Variants in PAMR1 observed in about 807,000 individuals in gnomAD.
PAMR1 encodes inactive serine protease PAMR1.
In PAMR1, 88 loss-of-function variants were observed where a neutral mutation model predicts 81.8. The ratio of observed to expected loss-of-function variants is 1.08; its 90% confidence interval spans 0.91 to 1.28. The LOEUF is 1.28. Ranked by LOEUF, PAMR1 falls within the 50% of genes most tolerant of loss-of-function variation. The pLI is 0.00. For synonymous variants in PAMR1, 336 were observed against 345.3 expected (o/e 0.97, Z 0.30); for missense variants, 935 against 919.7 (o/e 1.02, Z -0.21).
rs1433957199 is a variant in PAMR1 at position 35,507,039 on chromosome 11, C to CCTTTTT, written c.74-12768_74-12767insAAAAAG. Among the ~76,000 whole-genome samples, 3 of 86,862 alleles carry CCTTTTT rather than the reference C, an allele frequency of 3.5e-5. 1 individual carries two copies. Among genetic ancestry groups the CCTTTTT allele is most frequent in the Non-Finnish European group, 2.3e-5 (1 of 43,550 alleles). The allele number at this position is 86,862 out of a possible 152,430, so 57.0% of individuals were successfully genotyped here. A position where few individuals can be genotyped will look rare whatever the true frequency, so the allele number is the denominator to read the frequency against. On this transcript the variant is annotated intron_variant, in intron 1 of 10. Coordinates refer to ENST00000619888, the MANE Select transcript of PAMR1 (RefSeq NM_001001991.3). The stretch of plus-strand genomic sequence containing the variant: ...TCTCCTCTATTTTCAAATAGCCTGA[C>CCTTTTT]TTTTTTTTTTTTTTTTTTTTTTTTT...
At position 35,432,617 on chromosome 11, in the gene PAMR1, A is replaced by G. The variant is rs138681708; in HGVS notation, c.1902T>C (p.His634=). 10,462 of 1,614,086 alleles carry G rather than the reference A, an allele frequency of 6.5e-3. 35 individuals are homozygous for G. The highest frequency in any genetic ancestry group is 7.8e-3 in the Non-Finnish European group (9,145 of 1,179,946). Residue 634 remains histidine, a synonymous_variant, in exon 11 of 11, where the codon CAT becomes CAC. Transcript: ENST00000619888. ...CACTCACTGGGATGCCATGGTCCTC[A>G]TGCTGCTCCTCACACAGCAGCGAGT... is the stretch of plus-strand genomic sequence containing the variant. The part of the protein sequence containing the change: ...VVDSLLCEEQ[H]EDHGIPVSVT...
chr11:35,511,315 A>G (rs1028135868), intron 1 of PAMR1, among the ~76,000 whole-genome samples: 1 of 152,260 alleles, frequency 6.6e-6, no homozygotes, highest in African/African-American at 2.4e-5. Context: ...CCCCTCAGGC[A>G]TCGTCTGCAA....
At chr11:35,449,897 C>G (rs958863561) in intron 6 of PAMR1, among the ~76,000 whole-genome samples, 3 of 152,096 alleles carry the variant, frequency 2.0e-5, no homozygotes, top group Admixed American at 2.0e-4. Flanking sequence ...CTCTGCTTTT[C>G]CTTGCTTTCC....
intron 6 of PAMR1, among the ~76,000 whole-genome samples, chr11:35,449,098 G>C (rs1250979995): frequency 6.6e-6 from 1 of 152,210 alleles, no homozygotes; most frequent in Non-Finnish European, 1.5e-5. Context: ...TTGTTGGGAG[G>C]TTCCACCCAG....
intron 1 of PAMR1, among the ~76,000 whole-genome samples, chr11:35,494,810 A>G (rs1850695723): frequency 6.6e-6 from 1 of 152,230 alleles, no homozygotes; most frequent in African/African-American, 2.4e-5. Flanking sequence ...GCATAGATGA[A>G]GTTTGTTATA....
chr11:35,518,827 C>G (rs1851218090), intron 1 of PAMR1, among the ~76,000 whole-genome samples: 1 of 152,060 alleles, frequency 6.6e-6, no homozygotes, highest in East Asian at 1.9e-4. Context: ...TTTAACCCAC[C>G]ATCAATTCAG....
In PAMR1 at chr11:35,432,639, G is replaced by A. The variant is rs776078670; in HGVS notation, c.1880C>T (p.Ser627Leu). The change falls in exon 11 of 11, where the codon TCG (serine) becomes TTG (leucine). Residue 627 changes from serine to leucine, a missense_variant. Transcript: ENST00000619888. ...LRSGVVSVVD[S>L]LLCEEQHEDH... ...CTCATGCTGCTCCTCACACAGCAGCGAGTCCACCACACTGACCACCCCAGA... is the reference window on the plus strand; with the variant it reads ...CTCATGCTGCTCCTCACACAGCAGCAAGTCCACCACACTGACCACCCCAGA... 12 of 1,613,918 alleles carry A rather than the reference G, an allele frequency of 7.4e-6. No homozygotes were observed. Among genetic ancestry groups the A allele is most frequent in the African/African-American group, 1.3e-5 (1 of 74,922 alleles).
In PAMR1 at chr11:35,432,171, G is replaced by A. The variant is rs1398517690; in HGVS notation, c.*185C>T. On this transcript the variant is annotated 3_prime_UTR_variant, in exon 11 of 11. Coordinates refer to ENST00000619888, the MANE Select transcript of PAMR1 (RefSeq NM_001001991.3). ...CCAATTGGCTGTCCTAGTAGTGGAC[G>A]CGGCATCAGCCTACCAGCAATGGAG... 3.6e-5 allele frequency: 22 copies of A among 604,400 alleles called. 1 individual carries two copies. The highest frequency in any genetic ancestry group is 4.4e-5 in the Non-Finnish European group (15 of 341,612). The allele number at this position is 604,400 out of a possible 1,614,324, so 37.4% of individuals were successfully genotyped here. A position where few individuals can be genotyped will look rare whatever the true frequency, so the allele number is the denominator to read the frequency against.
chr11:35,482,786 T>C (rs1241293373), intron 3 of PAMR1, among the ~76,000 whole-genome samples: 1 of 152,230 alleles, frequency 6.6e-6, no homozygotes, highest in Admixed American at 6.5e-5. Flanking sequence ...TGTTTTGTTC[T>C]CTTTGTAGCA....
chr11:35,455,585 T>C (rs922223330), intron 6 of PAMR1, among the ~76,000 whole-genome samples: 4 of 152,192 alleles, frequency 2.6e-5, no homozygotes, highest in African/African-American at 9.6e-5. Flanking sequence ...AGTTCAAAGT[T>C]GGAGATGAGA....
chr11:35,454,902 A>G (rs1331989131), intron 6 of PAMR1, among the ~76,000 whole-genome samples: 7 of 152,230 alleles, frequency 4.6e-5, no homozygotes, highest in Non-Finnish European at 1.5e-5. Context: ...AGTCTAAGAC[A>G]TTGGGCTTCC....
Position 35,442,738 on chromosome 11 carries a change from A to C in PAMR1, c.821-1045T>G, listed in dbSNP as rs1488256430. Among the ~76,000 whole-genome samples, 3 of 152,000 alleles carry C rather than the reference A, an allele frequency of 2.0e-5. No individual in the cohort carries two copies. In the East Asian group the frequency reaches 5.8e-4, roughly 29 times the overall value. On this transcript the variant is annotated intron_variant, in intron 6 of 10. Transcript: ENST00000619888. ...GTGATCCTCCCACCTTAGGCTACTG[A>C]GTAGCTGGGACCACAGGCACACACC...
At chr11:35,525,112 T>TCTTG (rs989868746) in intron 1 of PAMR1, among the ~76,000 whole-genome samples, 1 of 152,234 alleles carries the variant, frequency 6.6e-6, no homozygotes, top group Non-Finnish European at 1.5e-5. Context: ...CTTCTTTCTT[T>TCTTG]CTTGCTCACC....
chr11:35,509,143 G>C (rs7106280), intron 1 of PAMR1, among the ~76,000 whole-genome samples: 27,678 of 152,160 alleles, frequency 0.18, 3,068 homozygotes, highest in African/African-American at 0.3. Flanking sequence ...TTGTAACTTT[G>C]TTCCTTCCCC....
intron 1 of PAMR1, among the ~76,000 whole-genome samples, chr11:35,505,956 G>A (rs1215303820): frequency 1.3e-5 from 2 of 151,106 alleles, no homozygotes; most frequent in African/African-American, 4.9e-5. Context: ...CTTCCTTTGT[G>A]GTTAAGGGTT....
Position 35,435,923 on chromosome 11 carries a change from C to T in PAMR1, c.1313G>A (p.Arg438Gln), listed in dbSNP as rs138210503. The change falls in exon 9 of 11, where the codon CGG becomes CAG. Residue 438 changes from arginine (R) to glutamine (Q), a missense_variant. Transcript: ENST00000619888. Reference protein sequence around the residue: ...TCLRTGKWSGRAPSCIPICGK... With the variant: ...TCLRTGKWSGQAPSCIPICGK... ...CTCACTAGGGATGCAGGATGGTGCC[C>T]GCCCACTCCACTTCCCAGTCCTCAG... is the stretch of plus-strand genomic sequence containing the variant. The T allele has an allele frequency of 3.7e-4, 599 of 1,613,746 alleles. No individual in the cohort carries two copies. Among genetic ancestry groups the T allele is most frequent in the African/African-American group, 6.3e-4 (47 of 74,900 alleles).
intron 1 of PAMR1, among the ~76,000 whole-genome samples, chr11:35,524,596 C>T (rs146580809): frequency 6.6e-4 from 100 of 152,274 alleles, no homozygotes; most frequent in Middle Eastern, 3.4e-3. Context: ...ACATAACCTG[C>T]CCCTATTCAG....
At position 35,474,762 on chromosome 11, in the gene PAMR1, G is replaced by C; in HGVS notation, c.380-18C>G. 2 of 1,558,116 alleles carry C rather than the reference G, an allele frequency of 1.3e-6. No homozygotes were observed. Among genetic ancestry groups the C allele is most frequent in the East Asian group, 2.3e-5 (1 of 44,358 alleles). On this transcript the variant is annotated intron_variant, in intron 3 of 10. Transcript: ENST00000619888. Reference sequence around the variant, plus strand: ...GCCACATCCTAAGAAAAGAAGAAAAGATTGGGACATAAAAATGGAGGTCAA... The same window carrying C: ...GCCACATCCTAAGAAAAGAAGAAAACATTGGGACATAAAAATGGAGGTCAA...
chr11:35,516,732 CA>C (rs1177377831), intron 1 of PAMR1, among the ~76,000 whole-genome samples: 1 of 152,198 alleles, frequency 6.6e-6, no homozygotes, highest in Non-Finnish European at 1.5e-5. Flanking sequence ...TCAGGTTGTG[CA>C]AATCAAGGTC....
Sources: gnomAD v4.1 joint callset for allele counts (sites outside exome capture counted in the v4.1 genomes callset) on GRCh38, gnomAD v4.1.1 for gene constraint, MANE v1.5 for transcripts, NCBI Gene and HGNC (gene_info 2026-07-23, HGNC 2026-07-21) for gene names.